The following PAPSS2 variants were observed in gnomAD, a reference collection of about 807,000 sequenced individuals.
PAPSS2 encodes 3'-phosphoadenosine 5'-phosphosulfate synthase 2, also known as bifunctional 3'-phosphoadenosine 5'-phosphosulfate synthase 2.
PAPSS2 carries 61 observed loss-of-function variants against 66.5 expected under a neutral mutation model. That is an observed-to-expected ratio of 0.92 (90% CI 0.75 to 1.14). The LOEUF is 1.14. PAPSS2 is among the 50% of genes most tolerant of loss of function. The pLI, the probability that PAPSS2 is intolerant of heterozygous loss-of-function variation, is 0.00. For synonymous variants in PAPSS2, 289 were observed against 287.5 expected (o/e 1.01, Z -0.05); for missense variants, 708 against 789.6 (o/e 0.90, Z 1.24).
chr10:87,676,754 C>T (rs1852952434), intron 1 of PAPSS2, among the ~76,000 whole-genome samples: 1 of 151,634 alleles, frequency 6.6e-6, no homozygotes, highest in South Asian at 2.1e-4. Flanking sequence ...TGCCTGTAGA[C>T]ACAGCTACTT....
Position 87,745,225 on chromosome 10 carries a change from C to T in PAPSS2, c.1715C>T (p.Pro572Leu). 6.2e-7 allele frequency: 1 copy of T among 1,609,932 alleles called. No homozygotes were observed. The highest frequency in any genetic ancestry group is 8.5e-7 in the Non-Finnish European group (1 of 1,177,720). ...KAKKAMDFYD[P>L]ARHNEFDFIS... is the part of the protein sequence containing the mutation. ...AAAAAAGCCATGGACTTCTATGATCCAGCAAGGTAGGTTTTCAGAGGAAAA... is the reference window on the plus strand; with the variant it reads ...AAAAAAGCCATGGACTTCTATGATCTAGCAAGGTAGGTTTTCAGAGGAAAA... Residue 572 changes from proline (P) to leucine (L), a missense_variant, in exon 12 of 13, where the codon CCA becomes CTA. By Grantham distance (98) the Pro-to-Leu change is moderately conservative. Coordinates refer to ENST00000456849, the MANE Select transcript of PAPSS2 (RefSeq NM_001015880.2).
chr10:87,701,389 T>TTTCTTTC (rs1853312446), intron 1 of PAPSS2, among the ~76,000 whole-genome samples: 3 of 100,990 alleles, frequency 3.0e-5, no homozygotes, highest in African/African-American at 4.5e-5. Flanking sequence ...TCTTTCTTTC[T>TTTCTTTC]TTCTTTCTCT....
chr10:87,718,759 C>T (rs11202526), intron 7 of PAPSS2, among the ~76,000 whole-genome samples: 79,610 of 152,018 alleles, frequency 0.52, 22,139 homozygotes, highest in East Asian at 0.75. Context: ...TGTTTCCTTC[C>T]TCTGTATTAA....
At position 87,659,908 on chromosome 10, in the gene PAPSS2, C is replaced by G. The variant is rs10677560; in HGVS notation, c.-74C>G. 1 of 855,902 alleles carries G rather than the reference C, an allele frequency of 1.2e-6. No individual in the cohort carries two copies. Among genetic ancestry groups the G allele is most frequent in the Non-Finnish European group, 1.8e-6 (1 of 553,158 alleles). The allele number at this position is 855,902 out of a possible 1,614,324, so 53.0% of individuals were successfully genotyped here. A position where few individuals can be genotyped will look rare whatever the true frequency, so the allele number is the denominator to read the frequency against. On this transcript the variant is annotated 5_prime_UTR_variant, in exon 1 of 13. Transcript: ENST00000456849. ...CTGCTGCTGCTGCTGCTGCTGCTGC[C>G]GCCGCCGCCGCCGCCGTCCCTGCGT...
chr10:87,744,502 C>A (rs1310104597), intron 11 of PAPSS2, among the ~76,000 whole-genome samples: 2 of 152,204 alleles, frequency 1.3e-5, no homozygotes, highest in African/African-American at 4.8e-5. Context: ...AAGTTCCAGG[C>A]CCCTAGCTCT....
At chr10:87,681,796 A>T (rs930549529) in intron 1 of PAPSS2, among the ~76,000 whole-genome samples, 3 of 152,152 alleles carry the variant, frequency 2.0e-5, no homozygotes, top group Admixed American at 1.3e-4. Flanking sequence ...GAATGATAAA[A>T]TATGTGGTCT....
intron 1 of PAPSS2, among the ~76,000 whole-genome samples, chr10:87,675,854 A>C (rs1055762469): frequency 2.6e-5 from 4 of 151,770 alleles, no homozygotes; most frequent in African/African-American, 9.7e-5. Flanking sequence ...AGGCTTGAGA[A>C]CCTCAGCCTA....
intron 6 of PAPSS2, among the ~76,000 whole-genome samples, chr10:87,715,385 T>C (rs1041604253): frequency 1.3e-5 from 2 of 152,198 alleles, no homozygotes; most frequent in Non-Finnish European, 2.9e-5. Flanking sequence ...AGTAAGTACA[T>C]CTGGTAGAAA....
intron 3 of PAPSS2, 92 bp from the exon 4 acceptor site, chr10:87,713,952 A>G: frequency 7.5e-7 from 1 of 1,337,740 alleles, no homozygotes; most frequent in Non-Finnish European, 1.1e-6. Context: ...GTGTTATCTC[A>G]AGGCTATTGA....
At chr10:87,700,616 C>CCTG (rs1853291059) in intron 1 of PAPSS2, among the ~76,000 whole-genome samples, 1 of 150,752 alleles carries the variant, frequency 6.6e-6, no homozygotes, top group African/African-American at 2.4e-5. Flanking sequence ...CAGGATCACA[C>CCTG]CACTGCACTG....
At chr10:87,679,624 TAAAAC>T (rs1313782782) in intron 1 of PAPSS2, among the ~76,000 whole-genome samples, 4 of 152,146 alleles carry the variant, frequency 2.6e-5, no homozygotes, top group Non-Finnish European at 5.9e-5. Flanking sequence ...TTATGTGTGT[TAAAAC>T]AAAAGTCAAA....
chr10:87,691,186 A>ACTATCTCAG (rs1230369660), intron 1 of PAPSS2, among the ~76,000 whole-genome samples: 1 of 152,184 alleles, frequency 6.6e-6, no homozygotes, highest in African/African-American at 2.4e-5. Flanking sequence ...CTCTTCCAAG[A>ACTATCTCAG]CTATCTCAGC....
At chr10:87,664,612 G>A (rs1174807196) in intron 1 of PAPSS2, among the ~76,000 whole-genome samples, 1 of 152,174 alleles carries the variant, frequency 6.6e-6, no homozygotes, top group East Asian at 1.9e-4. Flanking sequence ...ATGTGGCTCT[G>A]TGGTTTGCTG....
At chr10:87,661,097 C>T in intron 1 of PAPSS2, 1 of 447,972 alleles carries the variant, frequency 2.2e-6, no homozygotes, top group East Asian at 7.0e-5. Flanking sequence ...TGTGTATTAC[C>T]GAAATATCTT....
chr10:87,702,082 T>C (rs1853326411), intron 1 of PAPSS2, among the ~76,000 whole-genome samples: 1 of 152,210 alleles, frequency 6.6e-6, no homozygotes, highest in Non-Finnish European at 1.5e-5. Context: ...AAATATATAA[T>C]TGTGAAACAT....
chr10:87,665,800 G>T (rs191270328), intron 1 of PAPSS2, among the ~76,000 whole-genome samples: 1 of 152,194 alleles, frequency 6.6e-6, no homozygotes, highest in Admixed American at 6.5e-5. Context: ...ACCTCTCTCA[G>T]TGAAGCTGTC....
At chr10:87,698,002 A>G (rs1473788378) in intron 1 of PAPSS2, among the ~76,000 whole-genome samples, 1 of 152,250 alleles carries the variant, frequency 6.6e-6, no homozygotes, top group Non-Finnish European at 1.5e-5. Flanking sequence ...AGGGTTTTCC[A>G]ACAATTTGCA....
chr10:87,668,119 A>C (rs926544624), intron 1 of PAPSS2, among the ~76,000 whole-genome samples: 2 of 152,226 alleles, frequency 1.3e-5, no homozygotes, highest in Admixed American at 1.3e-4. Flanking sequence ...TAATTTATGA[A>C]TAATTCATGC....
chr10:87,696,787 TTTTG>T (rs1354008554), intron 1 of PAPSS2, among the ~76,000 whole-genome samples: 2 of 152,244 alleles, frequency 1.3e-5, no homozygotes, highest in Non-Finnish European at 2.9e-5. Flanking sequence ...GTTTTCGTGA[TTTTG>T]TTTGTTGCTA....
Sources: gnomAD v4.1 joint callset for allele counts (sites outside exome capture counted in the v4.1 genomes callset) on GRCh38, gnomAD v4.1.1 for gene constraint, MANE v1.5 for transcripts, NCBI Gene and HGNC (gene_info 2026-07-23, HGNC 2026-07-21) for gene names.